SLC7A9: variants seen among roughly 807,000 people sequenced by gnomAD.
The protein encoded by SLC7A9 is B(0,+)-type amino acid transporter 1.
In SLC7A9, 38 loss-of-function variants were observed where a neutral mutation model predicts 54.1. That is an observed-to-expected ratio of 0.70 (90% confidence interval 0.54 to 0.92). The LOEUF is 0.92. Among genes scored for constraint, SLC7A9 ranks in the 40% least tolerant of loss-of-function variants. The probability of loss-of-function intolerance (pLI) is 0.00; values close to 1 mark genes in which losing one functional copy is unlikely to be tolerated. For synonymous variants in SLC7A9, 264 were observed against 258.9 expected, an observed-to-expected ratio of 1.02 and a Z score of -0.19; for missense variants, 537 against 636.1, an observed-to-expected ratio of 0.84 and a Z score of 1.68.
chr19:32,839,320 T>C (rs1968062953), intron 11 of SLC7A9, among the ~76,000 whole-genome samples: 1 of 152,030 alleles, frequency 6.6e-6, no homozygotes, highest in African/African-American at 2.4e-5. Context: ...TTTGGAAGGC[T>C]GAAGTGGGTG....
chr19:32,832,384 G>T (rs146820138), intron 12 of SLC7A9, among the ~76,000 whole-genome samples: 1,598 of 150,758 alleles, frequency 0.011, 40 homozygotes, highest in African/African-American at 0.037. Context: ...GTCAGGAGTT[G>T]GAGACCAGCC....
At chr19:32,855,411 A>G (rs1568524845) in intron 9 of SLC7A9, among the ~76,000 whole-genome samples, 1 of 152,172 alleles carries the variant, frequency 6.6e-6, no homozygotes, top group Non-Finnish European at 1.5e-5. Flanking sequence ...AGCTAATAGA[A>G]AAATGCAGCC....
chr19:32,862,159 G>C lies in SLC7A9; in HGVS notation c.663C>G (p.Ile221Met). 1 of 1,613,770 alleles carries C rather than the reference G, an allele frequency of 6.2e-7. No individual in the cohort carries two copies. The highest frequency in any genetic ancestry group is 8.5e-7 in the Non-Finnish European group (1 of 1,179,760). Residue 221 changes from isoleucine (I) to methionine (M), a missense_variant, in exon 6 of 13, where the codon ATC becomes ATG. By Grantham distance (10) the Ile-to-Met change is conservative. Coordinates refer to ENST00000023064, the MANE Select transcript of SLC7A9 (RefSeq NM_014270.5). ...FEGAQLSVGA[I>M]SLAFYNGLWA... ...AGAGTCCATTGTAAAACGCCAGGCTGATGGCTCCCACAGACAGCTGGGCGC... is the reference window on the plus strand; with the variant it reads ...AGAGTCCATTGTAAAACGCCAGGCTCATGGCTCCCACAGACAGCTGGGCGC...
At chr19:32,862,058 T>C in intron 6 of SLC7A9, 60 bp downstream of exon 6, 3 of 1,086,406 alleles carry the variant, frequency 2.8e-6, no homozygotes, top group Middle Eastern at 2.8e-4. Context: ...ACAGGTGGAG[T>C]TAAAGTCACC....
At chr19:32,847,670 C>G in intron 9 of SLC7A9, among the ~76,000 whole-genome samples, 1 of 152,112 alleles carries the variant, frequency 6.6e-6, no homozygotes, top group Non-Finnish European at 1.5e-5. Flanking sequence ...TATTCAGATT[C>G]AGGAAATACA....
At chr19:32,854,188 T>C (rs187615904) in intron 9 of SLC7A9, among the ~76,000 whole-genome samples, 1 of 152,156 alleles carries the variant, frequency 6.6e-6, no homozygotes, top group African/African-American at 2.4e-5. Context: ...AAGTCTATTG[T>C]ACTTTTTGTA....
chr19:32,848,971 G>A (rs1328892753), intron 9 of SLC7A9, among the ~76,000 whole-genome samples: 2 of 152,084 alleles, frequency 1.3e-5, no homozygotes, highest in Admixed American at 6.6e-5. Context: ...AAATAAAGAT[G>A]TTCTTTGAAA....
intron 9 of SLC7A9, among the ~76,000 whole-genome samples, chr19:32,854,366 G>C (rs1324417912): frequency 6.6e-6 from 1 of 151,992 alleles, no homozygotes; most frequent in Non-Finnish European, 1.5e-5. Context: ...TTGATCTATG[G>C]ATTCAACCCA....
At position 32,842,682 on chromosome 19, in the gene SLC7A9, G is replaced by A. The variant is rs1324230180; in HGVS notation, c.1075-365C>T. ...GGCTCGAATGCAGTGGCGTGATCTC[G>A]GTTGACTGCAACCTCCGCCTCCCAA... On this transcript the variant is annotated intron_variant, in intron 10 of 12. Coordinates refer to ENST00000023064, the MANE Select transcript of SLC7A9 (RefSeq NM_014270.5). 2.6e-5 allele frequency among the ~76,000 whole-genome samples: 4 copies of A among 151,802 alleles called. No individual in the cohort carries two copies. In the South Asian group the frequency reaches 8.3e-4, roughly 32 times the overall value.
intron 4 of SLC7A9, 76 bp from the exon 5 acceptor site, chr19:32,862,662 TTTTTTA>T (rs386808719): frequency 2.3e-6 from 3 of 1,301,662 alleles, no homozygotes; most frequent in East Asian, 2.8e-5. Context: ...CTTTTATATA[TTTTTTA>T]TTTTTTTTTT....
rs189698728 is a variant in SLC7A9, at chr19:32,854,259, C to T, written c.977+4181G>A. 1.9e-3 allele frequency among the ~76,000 whole-genome samples: 294 copies of T among 152,186 alleles called. 1 individual carries two copies. The highest frequency in any genetic ancestry group is 6.5e-3 in the African/African-American group (272 of 41,548). ...CTAACCCATGGGCTCAAGCAGTCCT[C>T]CCCCTCGGCCTCCCAAAGTGCTTTG... On this transcript the variant is annotated intron_variant, in intron 9 of 12. Transcript: ENST00000023064.
chr19:32,841,441 A>C (rs1022319905), intron 11 of SLC7A9, among the ~76,000 whole-genome samples: 2 of 152,144 alleles, frequency 1.3e-5, no homozygotes, highest in Non-Finnish European at 2.9e-5. Flanking sequence ...AGTCTATGAA[A>C]GGAGGCCGGC....
chr19:32,855,105 C>G (rs976529157), intron 9 of SLC7A9, among the ~76,000 whole-genome samples: 1 of 152,192 alleles, frequency 6.6e-6, no homozygotes, highest in Non-Finnish European at 1.5e-5. Context: ...CAATGGAATA[C>G]TATTCCGACT....
At chr19:32,863,346 C>T (rs959698698) in intron 4 of SLC7A9, among the ~76,000 whole-genome samples, 38 of 151,146 alleles carry the variant, frequency 2.5e-4, no homozygotes, top group Admixed American at 9.3e-4. Flanking sequence ...AGGCTGGTCT[C>T]GAACTCGTGA....
In SLC7A9 at chr19:32,830,536, T is replaced by A. The variant is rs1011229791; in HGVS notation, c.*84A>T. ...TTTTAAACATCTGAGTATATTTTAT[T>A]CGTAAGAAAAAAAGGAAGAAATAAC... On this transcript the variant is annotated 3_prime_UTR_variant, in exon 13 of 13. Coordinates refer to ENST00000023064, the MANE Select transcript of SLC7A9 (RefSeq NM_014270.5). The A allele has an allele frequency of 9.8e-7, 1 of 1,023,760 alleles. No homozygotes were observed. Among genetic ancestry groups the A allele is most frequent in the Non-Finnish European group, 1.6e-6 (1 of 644,028 alleles). 63.4% of individuals were successfully genotyped at this position (1,023,760 alleles called of 1,614,324 possible).
At chr19:32,834,826 T>C (rs1967910968) in intron 11 of SLC7A9, among the ~76,000 whole-genome samples, 1 of 152,184 alleles carries the variant, frequency 6.6e-6, no homozygotes, top group African/African-American at 2.4e-5. Context: ...AGTCTCGCTC[T>C]GTCGCTCAGG....
Position 32,865,524 on chromosome 19 carries a change from C to T in SLC7A9, c.88-748G>A, listed in dbSNP as rs139353955. Among the ~76,000 whole-genome samples the T allele has an allele frequency of 1.5e-3, 227 of 152,312 alleles. 1 individual carries two copies. Among genetic ancestry groups the T allele is most frequent in the African/African-American group, 5.2e-3 (218 of 41,564 alleles). On this transcript the variant is annotated intron_variant, in intron 2 of 12. Coordinates refer to ENST00000023064, the MANE Select transcript of SLC7A9 (RefSeq NM_014270.5). ...GAGAACAGAACCCAGCTCAAAGAGA[C>T]ACCAGATGGTTCCATGCCTGTGAAG...
In SLC7A9 at chr19:32,862,172, G is replaced by A; in HGVS notation, c.650C>T (p.Ser217Phe). The change falls in exon 6 of 13, where the codon TCT becomes TTT. Residue 217 changes from serine (S) to phenylalanine (F), a missense_variant. By Grantham distance (155) the Ser-to-Phe change is radical (BLOSUM62 -2). Transcript: ENST00000023064. ...FDNSFEGAQLSVGAISLAFYN... is the reference protein window; with the variant it reads ...FDNSFEGAQLFVGAISLAFYN... ...AAACGCCAGGCTGATGGCTCCCACA[G>A]ACAGCTGGGCGCCCTCGAAAGAATT... 6.2e-7 allele frequency: 1 copy of A among 1,613,868 alleles called. No individual in the cohort carries two copies. The highest frequency in any genetic ancestry group is 8.5e-7 in the Non-Finnish European group (1 of 1,179,816).
At chr19:32,840,230 T>C (rs193142571) in intron 11 of SLC7A9, among the ~76,000 whole-genome samples, 197 of 152,272 alleles carry the variant, frequency 1.3e-3, no homozygotes, top group African/African-American at 4.3e-3. Context: ...TGGAGTGCAG[T>C]GGCACGATCT....
Sources: gnomAD v4.1 joint callset for allele counts (sites outside exome capture counted in the v4.1 genomes callset) on GRCh38, gnomAD v4.1.1 for gene constraint, MANE v1.5 for transcripts, NCBI Gene and HGNC (gene_info 2026-07-23, HGNC 2026-07-21) for gene names.